The following NFIA variants were observed in gnomAD, a reference collection of about 807,000 sequenced individuals.
The protein encoded by NFIA is nuclear factor I A.
Under a neutral mutation model 62.8 loss-of-function variants are expected in NFIA, and 8 were observed. The ratio of observed to expected loss-of-function variants is 0.13; its 90% confidence interval spans 0.07 to 0.23. NFIA has a LOEUF of 0.23. NFIA is among the 10% of genes least tolerant of loss of function. The probability of loss-of-function intolerance (pLI) is 1.00; values close to 1 mark genes in which losing one functional copy is unlikely to be tolerated. For synonymous variants in NFIA, 235 were observed against 238.1 expected, an observed-to-expected ratio of 0.99 and a Z score of 0.12; for missense variants, 410 against 642.1, an observed-to-expected ratio of 0.64 and a Z score of 3.91.
chr1:61,250,863 A>C (rs1273428029), intron 2 of NFIA: 2 of 152,216 alleles, frequency 1.3e-5, no homozygotes, highest in Non-Finnish European at 2.9e-5. Context: ...TTGAAAAATC[A>C]GTGTGGAGTT....
At chr1:61,187,458 A>G (rs1013531283) in intron 2 of NFIA, among the ~76,000 whole-genome samples, 2 of 152,190 alleles carry the variant, frequency 1.3e-5, no homozygotes, top group African/African-American at 4.8e-5. Flanking sequence ...TCAGAAATCG[A>G]TGCATCTGTG....
chr1:61,081,001 T>C (rs988480093), upstream of NFIA, among the ~76,000 whole-genome samples: 1 of 152,128 alleles, frequency 6.6e-6, no homozygotes, highest in African/African-American at 2.4e-5. Flanking sequence ...TACCCTCACT[T>C]TCCTACAGGA....
chr1:61,149,165 G>T (rs963457176), intron 2 of NFIA, among the ~76,000 whole-genome samples: 8 of 150,742 alleles, frequency 5.3e-5, no homozygotes, highest in Non-Finnish European at 1.2e-4. Flanking sequence ...CAGAATGCTG[G>T]GATTACAGGC....
intron 2 of NFIA, among the ~76,000 whole-genome samples, chr1:61,175,084 C>T (rs777516427): frequency 6.6e-6 from 1 of 151,848 alleles, no homozygotes; most frequent in Non-Finnish European, 1.5e-5. Context: ...ACAGGCCAGG[C>T]ACCAAAGCAT....
chr1:61,266,839 A>G (rs1657203794), intron 2 of NFIA, among the ~76,000 whole-genome samples: 1 of 152,238 alleles, frequency 6.6e-6, no homozygotes, highest in Non-Finnish European at 1.5e-5. Context: ...TAACCAGTCT[A>G]TATGCTTTAG....
At chr1:61,115,577 G>A (rs2100460937) in intron 2 of NFIA, among the ~76,000 whole-genome samples, 1 of 152,324 alleles carries the variant, frequency 6.6e-6, no homozygotes. Flanking sequence ...GCATGGAGAT[G>A]GGCATATGTA....
At chr1:61,216,251 C>T (rs1273345489) in intron 2 of NFIA, among the ~76,000 whole-genome samples, 1 of 152,150 alleles carries the variant, frequency 6.6e-6, no homozygotes, top group Non-Finnish European at 1.5e-5. Context: ...ATCATATCAT[C>T]TTTGCCTGGA....
chr1:61,284,450 C>A (rs1180255851), intron 3 of NFIA, among the ~76,000 whole-genome samples: 1 of 152,078 alleles, frequency 6.6e-6, no homozygotes, highest in Non-Finnish European at 1.5e-5. Context: ...GAGTCTTTCT[C>A]TGTGAAAGAT....
chr1:61,246,554 A>G (rs1420639748), intron 2 of NFIA, among the ~76,000 whole-genome samples: 2 of 152,106 alleles, frequency 1.3e-5, no homozygotes, highest in Non-Finnish European at 2.9e-5. Context: ...TCCTCTTCTG[A>G]AAAATGAAGG....
intron 2 of NFIA, among the ~76,000 whole-genome samples, chr1:61,164,220 G>GA (rs903203109): frequency 1.6e-4 from 23 of 146,554 alleles, no homozygotes; most frequent in Non-Finnish European, 2.4e-4. Flanking sequence ...TTGTTGACTT[G>GA]AAAAAAAAAA....
intron 10 of NFIA, among the ~76,000 whole-genome samples, chr1:61,435,826 A>C (rs569146287): frequency 6.6e-6 from 1 of 152,172 alleles, no homozygotes; most frequent in Non-Finnish European, 1.5e-5. Flanking sequence ...AGGATCTGCC[A>C]TATTCTTTTT....
rs577337692 is a variant in NFIA at position 61,454,155 on chromosome 1, C to T, written c.1513-1148C>T. 5.9e-5 allele frequency among the ~76,000 whole-genome samples: 9 copies of T among 152,330 alleles called. No individual in the cohort carries two copies. In the East Asian group the frequency reaches 1.5e-3, roughly 26 times the overall value. ...TGAAGCAACCCAATTAGAACCCTTT[C>T]TGATACCGTCAACTTAAAGAATTCA... On this transcript the variant is annotated intron_variant, in intron 10 of 10. Coordinates refer to ENST00000403491, the MANE Select transcript of NFIA (RefSeq NM_001134673.4).
chr1:61,344,840 TATGG>T (rs972199400), intron 4 of NFIA, among the ~76,000 whole-genome samples: 1 of 152,212 alleles, frequency 6.6e-6, no homozygotes, highest in African/African-American at 2.4e-5. Context: ...CAAAAATTTG[TATGG>T]AAATTTTTTC....
intron 7 of NFIA, among the ~76,000 whole-genome samples, chr1:61,400,740 T>C (rs1665519002): frequency 6.6e-6 from 1 of 152,206 alleles, no homozygotes; most frequent in Non-Finnish European, 1.5e-5. Flanking sequence ...AAATTCATAA[T>C]GGTAGTTTTT....
intron 2 of NFIA, among the ~76,000 whole-genome samples, chr1:61,089,695 C>CTTTTTTTTTTTTTTTTTTTTTT (rs918196815): frequency 1.9e-5 from 2 of 107,746 alleles, no homozygotes; most frequent in African/African-American, 7.0e-5. Flanking sequence ...GTTTTTTTTT[C>CTTTTTTTTTTTTTTTTTTTTTT]TTTTTTTTTT....
At chr1:61,251,344 C>G (rs1282105002) in intron 2 of NFIA, 1 of 152,134 alleles carries the variant, frequency 6.6e-6, no homozygotes, top group African/African-American at 2.4e-5. Context: ...CCAGCTTTTT[C>G]TCTTAGTGCT....
chr1:61,304,458 G>C (rs1006869185), intron 3 of NFIA, among the ~76,000 whole-genome samples: 2 of 152,166 alleles, frequency 1.3e-5, no homozygotes, highest in African/African-American at 4.8e-5. Context: ...TTTTCAAAGA[G>C]CTGCTTGCCC....
intron 2 of NFIA, among the ~76,000 whole-genome samples, chr1:61,259,855 G>A (rs550873005): frequency 2.0e-5 from 3 of 152,340 alleles, no homozygotes; most frequent in African/African-American, 7.2e-5. Flanking sequence ...TGACAATTGA[G>A]GGTTAATAAA....
chr1:61,305,411 A>G (rs116825942), intron 3 of NFIA, among the ~76,000 whole-genome samples: 1,678 of 152,284 alleles, frequency 0.011, 18 homozygotes, highest in African/African-American at 0.038. Context: ...CTGCACCTGC[A>G]GAAGTCTCTG....
Sources: gnomAD v4.1 joint callset for allele counts (sites outside exome capture counted in the v4.1 genomes callset) on GRCh38, gnomAD v4.1.1 for gene constraint, MANE v1.5 for transcripts, NCBI Gene and HGNC (gene_info 2026-07-23, HGNC 2026-07-21) for gene names.